DTNB: variants seen among roughly 807,000 people sequenced by gnomAD.
DTNB encodes the protein dystrobrevin beta, also known as DTN-B.
DTNB carries 63 observed loss-of-function variants against 90.7 expected under a neutral mutation model. The ratio of observed to expected loss-of-function variants is 0.69; its 90% CI spans 0.57 to 0.86. The LOEUF is 0.86. DTNB is among the 40% of genes least tolerant of loss of function. The pLI is 0.00. For synonymous variants in DTNB, 277 were observed against 286.7 expected (o/e 0.97, Z 0.34); for missense variants, 744 against 807.1 (o/e 0.92, Z 0.95).
chr2:25,380,740 T>C (rs1228525982), intron 19 of DTNB, among the ~76,000 whole-genome samples: 1 of 152,032 alleles, frequency 6.6e-6, no homozygotes, highest in Non-Finnish European at 1.5e-5. Context: ...GCAGTGCACG[T>C]GCAGAGACAG....
At chr2:25,611,863 T>A (rs2148559938) in intron 4 of DTNB, among the ~76,000 whole-genome samples, 1 of 152,238 alleles carries the variant, frequency 6.6e-6, no homozygotes, top group East Asian at 1.9e-4. Context: ...TAATACTTAA[T>A]AAAGGAATTA....
At chr2:25,542,679 C>A (rs531294493) in intron 8 of DTNB, among the ~76,000 whole-genome samples, 3 of 152,138 alleles carry the variant, frequency 2.0e-5, no homozygotes, top group African/African-American at 7.2e-5. Context: ...ATATATTGAG[C>A]AAATTCAATT....
intron 14 of DTNB, 110 bp from the exon 15 acceptor site, chr2:25,427,741 G>A (rs2052331563): frequency 3.0e-6 from 3 of 996,844 alleles, no homozygotes; most frequent in Non-Finnish European, 2.9e-6. Context: ...ATGAGACGCT[G>A]AGCAAGTCAT....
intron 9 of DTNB, among the ~76,000 whole-genome samples, chr2:25,505,315 G>T (rs2150611102): frequency 6.6e-6 from 1 of 152,216 alleles, no homozygotes; most frequent in Middle Eastern, 3.4e-3. Flanking sequence ...AAAGGTTGGG[G>T]ACAATGATAA....
Position 25,513,176 on chromosome 2 carries a change from T to C in DTNB, c.1001+18297A>G, listed in dbSNP as rs534520059. 6.6e-5 allele frequency among the ~76,000 whole-genome samples: 10 copies of C among 152,330 alleles called. No individual in the cohort carries two copies. In the South Asian group the frequency reaches 8.3e-4, roughly 13 times the overall value. ...GGAGAAATATTCAAATTATTCTAAA[T>C]TGCAGTCAGTATACAAATCCTATTA... On this transcript the variant is annotated intron_variant, in intron 9 of 20. Transcript: ENST00000406818.
At chr2:25,414,127 A>AT (rs1405187758) in intron 16 of DTNB, among the ~76,000 whole-genome samples, 1 of 151,458 alleles carries the variant, frequency 6.6e-6, no homozygotes, top group Non-Finnish European at 1.5e-5. Context: ...TGATGGGGTT[A>AT]TTTTTTTTCC....
chr2:25,637,272 C>A (rs2077313884), intron 3 of DTNB, among the ~76,000 whole-genome samples: 1 of 152,124 alleles, frequency 6.6e-6, no homozygotes, highest in South Asian at 2.1e-4. Flanking sequence ...AAAACCTAGG[C>A]AATACCATTC....
chr2:25,634,510 G>T (rs1473773427), intron 3 of DTNB, among the ~76,000 whole-genome samples: 3 of 150,124 alleles, frequency 2.0e-5, no homozygotes. Flanking sequence ...CCCCTACTGG[G>T]AAGTGAGGAG....
chr2:25,634,449 C>A (rs1380734138), intron 3 of DTNB, among the ~76,000 whole-genome samples: 8 of 146,248 alleles, frequency 5.5e-5, no homozygotes, highest in African/African-American at 1.8e-4. Context: ...GTCAGCCCCC[C>A]GCCCGGCCAG....
chr2:25,657,545 C>A (rs1159484121), intron 1 of DTNB, among the ~76,000 whole-genome samples: 1 of 152,064 alleles, frequency 6.6e-6, no homozygotes, highest in Non-Finnish European at 1.5e-5. Context: ...ATGGCAAAAG[C>A]TCATCTCTAC....
At chr2:25,408,580 A>C (rs1438104617) in intron 16 of DTNB, among the ~76,000 whole-genome samples, 1 of 148,240 alleles carries the variant, frequency 6.7e-6, no homozygotes, top group Non-Finnish European at 1.5e-5. Flanking sequence ...CTTTAGCTGC[A>C]GTTAACTTCA....
At chr2:25,475,399 G>T (rs2150335497) in intron 10 of DTNB, among the ~76,000 whole-genome samples, 1 of 152,342 alleles carries the variant, frequency 6.6e-6, no homozygotes, top group South Asian at 2.1e-4. Context: ...ATTCTATGAA[G>T]GCTGAGAGAG....
intron 10 of DTNB, among the ~76,000 whole-genome samples, chr2:25,465,378 A>AT (rs1338517679): frequency 6.6e-6 from 1 of 151,548 alleles, no homozygotes; most frequent in Non-Finnish European, 1.5e-5. Context: ...TCCGTCTCAA[A>AT]AAAAAAAAAA....
At position 25,632,496 on chromosome 2, in the gene DTNB, A is replaced by C. The variant is rs1413777183; in HGVS notation, c.149-4112T>G. On this transcript the variant is annotated intron_variant, in intron 3 of 20. Coordinates refer to ENST00000406818, the MANE Select transcript of DTNB (RefSeq NM_021907.5). ...GCAGTACTGAGAGGTGGGCTTTAAGAGGTCATTGAGTCATGAGGGCTCTGC... is the reference window on the plus strand; with the variant it reads ...GCAGTACTGAGAGGTGGGCTTTAAGCGGTCATTGAGTCATGAGGGCTCTGC... Among the ~76,000 whole-genome samples the C allele has an allele frequency of 4.6e-5, 7 of 152,304 alleles. No homozygotes were observed. In the East Asian group the frequency reaches 1.3e-3, roughly 29 times the overall value.
Position 25,648,993 on chromosome 2 carries a change from C to CTT in DTNB, c.67+3599_67+3600dup, listed in dbSNP as rs60749102. Among the ~76,000 whole-genome samples the CTT allele has an allele frequency of 8.3e-4, 78 of 94,038 alleles. 2 individuals carry two copies. Among genetic ancestry groups the CTT allele is most frequent in the East Asian group, 1.6e-3 (4 of 2,474 alleles). The allele number at this position is 94,038 out of a possible 152,430, so 61.7% of individuals were successfully genotyped here. A position where few individuals can be genotyped will look rare whatever the true frequency, so the allele number is the denominator to read the frequency against. On this transcript the variant is annotated intron_variant, in intron 2 of 20. Coordinates refer to ENST00000406818, the MANE Select transcript of DTNB (RefSeq NM_021907.5). ...AAAAACAAGACGCTATCCTTCCTAC[C>CTT]TTTTTTTTTTTTTTTTTTTTTTTTT...
At chr2:25,390,738 A>G (rs554541910) in intron 16 of DTNB, among the ~76,000 whole-genome samples, 1 of 150,320 alleles carries the variant, frequency 6.7e-6, no homozygotes, top group South Asian at 2.1e-4. Flanking sequence ...TGAGCCACTG[A>G]GCCCGACCAA....
chr2:25,560,847 G>A (rs981580682), intron 8 of DTNB, among the ~76,000 whole-genome samples: 24 of 152,168 alleles, frequency 1.6e-4, no homozygotes, highest in Admixed American at 2.0e-4. Flanking sequence ...GTCCAGCACT[G>A]TGAGAGGGTT....
At chr2:25,559,046 C>T (rs970863764) in intron 8 of DTNB, among the ~76,000 whole-genome samples, 2 of 152,206 alleles carry the variant, frequency 1.3e-5, no homozygotes, top group Admixed American at 6.5e-5. Context: ...ACCCTCTCAA[C>T]TAACACATTG....
intron 3 of DTNB, 35 bp downstream of exon 3, chr2:25,638,979 T>A (rs758521373): frequency 1.3e-6 from 2 of 1,529,262 alleles, no homozygotes; most frequent in Non-Finnish European, 1.8e-6. Flanking sequence ...GAGAACTCTA[T>A]CCAGCTATCA....
Sources: gnomAD v4.1 joint callset for allele counts (sites outside exome capture counted in the v4.1 genomes callset) on GRCh38, gnomAD v4.1.1 for gene constraint, MANE v1.5 for transcripts, NCBI Gene and HGNC (gene_info 2026-07-23, HGNC 2026-07-21) for gene names.